Variants in SLC35D4 observed in about 807,000 individuals in gnomAD.
SLC35D4 encodes the protein UDP-N-acetylglucosamine transporter SLC35D4.
the SLC35D4 span, among the ~76,000 whole-genome samples, chr18:23,413,631 A>T: frequency 2.6e-5 from 4 of 152,218 alleles, no homozygotes; most frequent in East Asian, 1.9e-4. Context: ...GTTAGTATTA[A>T]GAAATAGAGT....
the SLC35D4 span, among the ~76,000 whole-genome samples, chr18:23,286,740 A>C: frequency 1.3e-5 from 2 of 150,908 alleles, no homozygotes; most frequent in Admixed American, 6.6e-5. Flanking sequence ...AAACTCCCCA[A>C]CTCTGGTGCC....
chr18:23,257,488 A>G, the SLC35D4 span: 1 of 1,153,820 alleles, frequency 8.7e-7, no homozygotes, highest in Non-Finnish European at 1.2e-6. Flanking sequence ...CTCTCGACAT[A>G]GTTTGGGGAG....
the SLC35D4 span, among the ~76,000 whole-genome samples, chr18:23,269,509 A>G: frequency 6.6e-6 from 1 of 152,208 alleles, no homozygotes; most frequent in East Asian, 1.9e-4. Context: ...AATACAGTAA[A>G]TTGGTACTGG....
the SLC35D4 span, among the ~76,000 whole-genome samples, chr18:23,273,485 A>T: frequency 1.3e-4 from 20 of 152,268 alleles, no homozygotes; most frequent in Non-Finnish European, 2.6e-4. Context: ...AAGTGTTTGG[A>T]TAATTGTTGT....
chr18:23,371,935 G>T, the SLC35D4 span, among the ~76,000 whole-genome samples: 773 of 35,024 alleles, frequency 0.022, 25 homozygotes, highest in African/African-American at 0.055. Context: ...TGTTTTTTTT[G>T]TTTTTTTTTT....
chr18:23,287,043 T>C, the SLC35D4 span, among the ~76,000 whole-genome samples: 1 of 151,330 alleles, frequency 6.6e-6, no homozygotes, highest in Non-Finnish European at 1.5e-5. Context: ...TCAATACCAA[T>C]ATCCCATCCC....
the SLC35D4 span, among the ~76,000 whole-genome samples, chr18:23,402,143 A>G: frequency 3.9e-5 from 6 of 152,196 alleles, no homozygotes; most frequent in African/African-American, 1.4e-4. Flanking sequence ...TGTCAGTGTG[A>G]CGGCTGTCTT....
At chr18:23,310,979 A>G in the SLC35D4 span, among the ~76,000 whole-genome samples, 20 of 152,246 alleles carry the variant, frequency 1.3e-4, no homozygotes, top group Non-Finnish European at 2.9e-4. Flanking sequence ...GACAATTACA[A>G]GAATACAAAG....
the SLC35D4 span, among the ~76,000 whole-genome samples, chr18:23,336,334 T>C: frequency 3.9e-5 from 6 of 152,214 alleles, no homozygotes; most frequent in Non-Finnish European, 8.8e-5. Flanking sequence ...TCATCAGTGA[T>C]GTCATGGAAA....
the SLC35D4 span, among the ~76,000 whole-genome samples, chr18:23,302,479 C>G: frequency 2.8e-4 from 42 of 152,200 alleles, no homozygotes; most frequent in African/African-American, 9.9e-4. Flanking sequence ...ACAGAACAAC[C>G]CCTCAAAACA....
the SLC35D4 span, among the ~76,000 whole-genome samples, chr18:23,345,576 A>T: frequency 1.3e-5 from 2 of 151,504 alleles, no homozygotes; most frequent in Non-Finnish European, 2.9e-5. Flanking sequence ...CTATCCCTAC[A>T]CCAATACCAT....
chr18:23,377,773 T>A, the SLC35D4 span: 1 of 1,071,194 alleles, frequency 9.3e-7, no homozygotes, highest in Non-Finnish European at 1.3e-6. Flanking sequence ...TATGAGTAGA[T>A]TTATCAAGAG....
chr18:23,363,463 C>T, the SLC35D4 span, among the ~76,000 whole-genome samples: 2 of 146,946 alleles, frequency 1.4e-5, no homozygotes, highest in African/African-American at 5.1e-5. Flanking sequence ...CAAGCTCCGC[C>T]TCCCGGGTTC....
the SLC35D4 span, among the ~76,000 whole-genome samples, chr18:23,277,273 G>T: frequency 6.6e-6 from 1 of 151,882 alleles, no homozygotes; most frequent in African/African-American, 2.4e-5. Context: ...TTGTGGTAGT[G>T]AATAAGTCTC....
the SLC35D4 span, among the ~76,000 whole-genome samples, chr18:23,299,557 G>A: frequency 2.0e-5 from 3 of 152,232 alleles, no homozygotes; most frequent in Non-Finnish European, 4.4e-5. Context: ...TCCCCACGCT[G>A]ACCCAGGCAG....
chr18:23,401,445 A>G, the SLC35D4 span, among the ~76,000 whole-genome samples: 8 of 152,224 alleles, frequency 5.3e-5, no homozygotes, highest in Admixed American at 5.2e-4. Context: ...AGCACCCCCA[A>G]CCAAAAGATG....
the SLC35D4 span, among the ~76,000 whole-genome samples, chr18:23,328,860 A>C: frequency 6.6e-6 from 1 of 152,226 alleles, no homozygotes; most frequent in Non-Finnish European, 1.5e-5. Flanking sequence ...AAACAGAGAT[A>C]TAGACCAATA....
chr18:23,414,023 G>A, the SLC35D4 span, among the ~76,000 whole-genome samples: 3 of 148,764 alleles, frequency 2.0e-5, no homozygotes, highest in Admixed American at 6.7e-5. Flanking sequence ...TTGGGAGGCC[G>A]AGGCAGGTGG....
the SLC35D4 span, among the ~76,000 whole-genome samples, chr18:23,349,996 A>C: frequency 3.3e-5 from 5 of 152,248 alleles, no homozygotes; most frequent in Admixed American, 3.3e-4. Context: ...GAGGACAGAC[A>C]CCCAGAGATA....
Sources: gnomAD v4.1 joint callset for allele counts (sites outside exome capture counted in the v4.1 genomes callset) on GRCh38, gnomAD v4.1.1 for gene constraint, MANE v1.5 for transcripts, NCBI Gene and HGNC (gene_info 2026-07-23, HGNC 2026-07-21) for gene names.